Variants in CCDC28A observed in about 807,000 individuals in gnomAD.
CCDC28A encodes the protein coiled-coil domain containing 28A.
CCDC28A carries 24 observed loss-of-function variants against 22.1 expected under a neutral mutation model. The observed-to-expected ratio is 1.09, with a 90% CI of 0.79 to 1.53. The LOEUF is 1.53. CCDC28A is among the 40% of genes most tolerant of loss of function. The pLI, the probability that CCDC28A is intolerant of heterozygous loss-of-function variation, is 0.00. For synonymous variants in CCDC28A, 83 were observed against 74.7 expected (o/e 1.11, Z -0.57); for missense variants, 170 against 210.7 (o/e 0.81, Z 1.20).
chr6:138,776,401 G>T, intron 2 of CCDC28A, 123 bp downstream of exon 2: 1 of 712,874 alleles, frequency 1.4e-6, no homozygotes, highest in East Asian at 2.7e-5. Context: ...CACCCATTAT[G>T]CGTGATTTAG....
At chr6:138,780,101 C>A in intron 3 of CCDC28A, 116 bp downstream of exon 3, 1 of 721,210 alleles carries the variant, frequency 1.4e-6, no homozygotes, top group East Asian at 3.1e-5. Context: ...AAAAAGAGCC[C>A]ACAGGCATAA....
In CCDC28A at chr6:138,779,997, A is replaced by T. The variant is rs370142481; in HGVS notation, c.322+12A>T. The T allele has an allele frequency of 2.5e-6, 4 of 1,584,338 alleles. No individual in the cohort carries two copies. The African/African-American group carries it at 4.1e-5, about 16-fold the overall frequency. The stretch of plus-strand genomic sequence containing the variant: ...ACTTCAAGCATTTGGTAAGCAATAG[A>T]TGTTTCTGTATTATTTTTTTCTCTA... On this transcript the variant is annotated intron_variant, in intron 3 of 5. Transcript: ENST00000617445.
chr6:138,782,124 CTT>C (rs1390411359), intron 3 of CCDC28A, among the ~76,000 whole-genome samples: 2 of 152,116 alleles, frequency 1.3e-5, no homozygotes, highest in African/African-American at 4.8e-5. Context: ...ACTTCCACGT[CTT>C]TGCTTTTTCC....
At chr6:138,776,741 A>C (rs1774939895) in intron 2 of CCDC28A, among the ~76,000 whole-genome samples, 1 of 151,308 alleles carries the variant, frequency 6.6e-6, no homozygotes, top group African/African-American at 2.4e-5. Flanking sequence ...CCGGCCTTGA[A>C]CCTCTGGGCT....
At chr6:138,783,023 G>A (rs1483712627) in intron 3 of CCDC28A, among the ~76,000 whole-genome samples, 1 of 152,090 alleles carries the variant, frequency 6.6e-6, no homozygotes, top group Non-Finnish European at 1.5e-5. Context: ...TACGTTATGT[G>A]TATAAATTAG....
Position 138,792,750 on chromosome 6 carries a change from C to T in CCDC28A, c.502C>T (p.Gln168Ter). 6.3e-7 allele frequency: 1 copy of T among 1,598,004 alleles called. No homozygotes were observed. Among genetic ancestry groups the T allele is most frequent in the Non-Finnish European group, 8.6e-7 (1 of 1,168,450 alleles). ...SDLEELNSSI[Q>*]KLHLADAQDV... ...AATCTTCTTAACTGATTAATTCAGA[C>T]AAAAACTCCATTTGGCAGATGCACA... The change falls in exon 6 of 6, where the codon CAA (glutamine) becomes TAA (stop). Residue 168 changes from glutamine (Q) to a stop codon, truncating the protein, a stop_gained and splice_region_variant. Transcript: ENST00000617445. LOFTEE classifies it high-confidence loss of function.
chr6:138,774,658 C>T (rs543133100), intron 1 of CCDC28A, among the ~76,000 whole-genome samples: 103 of 152,282 alleles, frequency 6.8e-4, no homozygotes, highest in Non-Finnish European at 1.2e-3. Context: ...GGTTTAAATT[C>T]CAGTGCCAGT....
At chr6:138,785,655 A>T (rs1211642730) in intron 4 of CCDC28A, among the ~76,000 whole-genome samples, 1 of 152,168 alleles carries the variant, frequency 6.6e-6, no homozygotes, top group Non-Finnish European at 1.5e-5. Flanking sequence ...ATTATGCAGT[A>T]TGTGGACTAA....
At chr6:138,776,480 C>T (rs1774936296) in intron 2 of CCDC28A, among the ~76,000 whole-genome samples, 1 of 151,970 alleles carries the variant, frequency 6.6e-6, no homozygotes, top group Non-Finnish European at 1.5e-5. Flanking sequence ...GGTTTGAAGG[C>T]CCTTACTTTG....
At chr6:138,780,080 T>C (rs1774994364) in intron 3 of CCDC28A, 95 bp downstream of exon 3, 1 of 912,262 alleles carries the variant, frequency 1.1e-6, no homozygotes, top group African/African-American at 1.7e-5. Context: ...AGTGCCAGTT[T>C]CTTTTAAGAA....
At chr6:138,786,337 A>G (rs1775093732) in intron 4 of CCDC28A, among the ~76,000 whole-genome samples, 1 of 152,262 alleles carries the variant, frequency 6.6e-6, no homozygotes, top group African/African-American at 2.4e-5. Flanking sequence ...TGTTTAGCAC[A>G]TAACACAAAG....
At chr6:138,781,893 G>A (rs1325913055) in intron 3 of CCDC28A, among the ~76,000 whole-genome samples, 1 of 152,108 alleles carries the variant, frequency 6.6e-6, no homozygotes, top group Non-Finnish European at 1.5e-5. Context: ...TCTCAAACAT[G>A]TCTGTATCTT....
intron 1 of CCDC28A, among the ~76,000 whole-genome samples, 158 bp downstream of exon 1, chr6:138,774,060 T>C (rs1292719701): frequency 6.6e-6 from 1 of 152,144 alleles, no homozygotes; most frequent in Non-Finnish European, 1.5e-5. Context: ...GTGGTACTGC[T>C]TGGAGGCAAG....
At chr6:138,784,077 A>G (rs993954415) in intron 3 of CCDC28A, among the ~76,000 whole-genome samples, 2 of 151,760 alleles carry the variant, frequency 1.3e-5, no homozygotes, top group Admixed American at 6.6e-5. Flanking sequence ...AGTAGAGACA[A>G]GGTTTCACCA....
Position 138,792,731 on chromosome 6 carries a change from C to CG in CCDC28A, c.501-18_501-17insG. On this transcript the variant is annotated splice_polypyrimidine_tract_variant and intron_variant, in intron 5 of 5. Transcript: ENST00000617445. ...GTACCCCTTATAGAATGAAAATCTT[C>CG]TTAACTGATTAATTCAGACAAAAAC... The CG allele has an allele frequency of 3.6e-6, 5 of 1,371,392 alleles. No homozygotes were observed. The highest frequency in any genetic ancestry group is 5.1e-6 in the Non-Finnish European group (5 of 975,846). 85.0% of individuals were successfully genotyped at this position (1,371,392 alleles called of 1,614,324 possible). A position where few individuals can be genotyped will look rare whatever the true frequency, so the allele number is the denominator to read the frequency against.
Position 138,773,870 on chromosome 6 carries a change from G to C in CCDC28A, c.-75G>C. Reference sequence around the variant, plus strand: ...TGAGGCTGTCGGGTCTTTGCGGGTTGCGGAAGGGGGCCCCAATACCCTTCT... The same window carrying C: ...TGAGGCTGTCGGGTCTTTGCGGGTTCCGGAAGGGGGCCCCAATACCCTTCT... On this transcript the variant is annotated 5_prime_UTR_variant, in exon 1 of 6. Transcript: ENST00000617445. The C allele has an allele frequency of 6.2e-7, 1 of 1,613,896 alleles. No homozygotes were observed. Among genetic ancestry groups the C allele is most frequent in the Non-Finnish European group, 8.5e-7 (1 of 1,180,022 alleles).
At chr6:138,775,761 A>G (rs751441259) in intron 1 of CCDC28A, among the ~76,000 whole-genome samples, 8 of 152,204 alleles carry the variant, frequency 5.3e-5, no homozygotes, top group African/African-American at 1.9e-4. Context: ...CTTGAGGTCA[A>G]ACACCTTGTT....
At chr6:138,780,576 T>C (rs1255071816) in intron 3 of CCDC28A, among the ~76,000 whole-genome samples, 2 of 149,158 alleles carry the variant, frequency 1.3e-5, no homozygotes, top group East Asian at 2.0e-4. Flanking sequence ...TTCCCAATTT[T>C]TTTTTTTTTT....
intron 4 of CCDC28A, among the ~76,000 whole-genome samples, chr6:138,787,393 T>C (rs73572777): frequency 0.062 from 9,369 of 152,188 alleles, 480 homozygotes; most frequent in African/African-American, 0.13. Flanking sequence ...TCCTTAATTT[T>C]GAACTTTCCT....
Sources: gnomAD v4.1 joint callset for allele counts (sites outside exome capture counted in the v4.1 genomes callset) on GRCh38, gnomAD v4.1.1 for gene constraint, MANE v1.5 for transcripts, NCBI Gene and HGNC (gene_info 2026-07-23, HGNC 2026-07-21) for gene names.